The following RBPMS variants were observed in gnomAD, a reference collection of about 807,000 sequenced individuals.
The protein encoded by RBPMS is RNA-binding protein with multiple splicing.
In RBPMS, 7 loss-of-function variants were observed where a neutral mutation model predicts 26.8. That is an observed-to-expected ratio of 0.26 (90% CI 0.15 to 0.49). The LOEUF (loss-of-function observed/expected upper bound fraction) is 0.49. Ranked by LOEUF, RBPMS falls within the 20% of genes least tolerant of loss-of-function variation. RBPMS has a pLI of 0.98. For missense variants in RBPMS, 186 were observed against 250.0 expected (o/e 0.74, Z 1.73); for synonymous variants, 96 against 93.3 (o/e 1.03, Z -0.17).
At chr8:30,549,783 T>TCC (rs1826171336) in intron 6 of RBPMS, among the ~76,000 whole-genome samples, 1 of 109,640 alleles carries the variant, frequency 9.1e-6, no homozygotes, top group Non-Finnish European at 1.9e-5. Context: ...TCTCTCTCTC[T>TCC]CTCTCTCTCT....
chr8:30,542,792 C>G (rs1585824929), intron 5 of RBPMS, among the ~76,000 whole-genome samples: 1 of 152,222 alleles, frequency 6.6e-6, no homozygotes. Context: ...CTCTGGAAAT[C>G]ACATGGTCTC....
chr8:30,526,642 A>T (rs1823623821), intron 5 of RBPMS, among the ~76,000 whole-genome samples: 1 of 152,226 alleles, frequency 6.6e-6, no homozygotes, highest in East Asian at 1.9e-4. Context: ...GATGAATTAC[A>T]TTCCAGTCAA....
chr8:30,390,149 C>A (rs939479851), intron 1 of RBPMS, among the ~76,000 whole-genome samples: 1 of 152,096 alleles, frequency 6.6e-6, no homozygotes, highest in African/African-American at 2.4e-5. Flanking sequence ...TGATGCCTTT[C>A]GGTGTTTAAG....
Position 30,479,336 on chromosome 8 carries a change from G to T in RBPMS, c.205G>T (p.Asp69Tyr). The T allele has an allele frequency of 1.9e-6, 3 of 1,602,570 alleles. No individual in the cohort carries two copies. The highest frequency in any genetic ancestry group is 2.2e-5 in the East Asian group (1 of 44,500). ...TCAGCCTGTAGGTTTTGTCAGTTTT[G>T]ACAGTCGCTCAGAAGCAGAGGCTGC... ...SKQPVGFVSF[D>Y]SRSEAEAAKN... Residue 69 changes from aspartate (D) to tyrosine (Y), a missense_variant, in exon 4 of 9, where the codon GAC becomes TAC. Physicochemically the swap from Asp to Tyr is radical, Grantham distance 160. Coordinates refer to ENST00000397323, the MANE Select transcript of RBPMS (RefSeq NM_001008710.3).
At chr8:30,566,553 T>TA (rs1029320121) in intron 8 of RBPMS, among the ~76,000 whole-genome samples, 193 bp downstream of exon 8, 3 of 152,196 alleles carry the variant, frequency 2.0e-5, no homozygotes, top group African/African-American at 7.2e-5. Flanking sequence ...CAGCAACTGA[T>TA]ACATTTTTAA....
intron 1 of RBPMS, among the ~76,000 whole-genome samples, chr8:30,450,167 G>A (rs1814389158): frequency 6.6e-6 from 1 of 152,172 alleles, no homozygotes; most frequent in South Asian, 2.1e-4. Context: ...ATTATAGATT[G>A]CTACATATAG....
intron 8 of RBPMS, among the ~76,000 whole-genome samples, chr8:30,568,426 C>A (rs895603428): frequency 6.6e-6 from 1 of 152,198 alleles, no homozygotes; most frequent in Non-Finnish European, 1.5e-5. Context: ...CAGCGGGCAT[C>A]CTGACCCCAG....
chr8:30,538,281 G>C (rs1825012547), intron 5 of RBPMS, among the ~76,000 whole-genome samples: 1 of 151,852 alleles, frequency 6.6e-6, no homozygotes, highest in Admixed American at 6.6e-5. Flanking sequence ...TGGAGACAGA[G>C]TCTCGCTCTG....
chr8:30,554,280 G>C (rs1826648555), intron 6 of RBPMS, among the ~76,000 whole-genome samples: 1 of 152,180 alleles, frequency 6.6e-6, no homozygotes. Flanking sequence ...GCACAGCCCA[G>C]CCTCTTAGAT....
At chr8:30,497,642 A>T (rs536006017) in intron 4 of RBPMS, among the ~76,000 whole-genome samples, 57 of 151,808 alleles carry the variant, frequency 3.8e-4, no homozygotes, top group Non-Finnish European at 7.1e-4. Context: ...TTTGAGATGG[A>T]GTCTTGCTCT....
At chr8:30,390,489 A>G (rs1330040390) in intron 1 of RBPMS, among the ~76,000 whole-genome samples, 1 of 152,146 alleles carries the variant, frequency 6.6e-6, no homozygotes, top group Non-Finnish European at 1.5e-5. Flanking sequence ...CACAAAGTCA[A>G]GTGCGCACAT....
intron 7 of RBPMS, among the ~76,000 whole-genome samples, chr8:30,561,324 T>C (rs1457633235): frequency 6.6e-6 from 1 of 152,154 alleles, no homozygotes; most frequent in Non-Finnish European, 1.5e-5. Context: ...ACTTATTTGG[T>C]TGCATAGGAA....
chr8:30,545,018 G>C (rs980025614), intron 6 of RBPMS: 11 of 1,423,338 alleles, frequency 7.7e-6, no homozygotes, highest in Non-Finnish European at 1.0e-5. Context: ...ATGTGCGTCT[G>C]TGCGTGTTTC....
chr8:30,455,261 G>A (rs1815066205), intron 1 of RBPMS, among the ~76,000 whole-genome samples: 1 of 152,104 alleles, frequency 6.6e-6, no homozygotes, highest in Non-Finnish European at 1.5e-5. Context: ...CCCAGTTAGG[G>A]CTTTCTCTAA....
At chr8:30,543,283 G>C (rs1563431236) in intron 5 of RBPMS, among the ~76,000 whole-genome samples, 1 of 152,142 alleles carries the variant, frequency 6.6e-6, no homozygotes, top group Non-Finnish European at 1.5e-5. Context: ...TTTCGCCATA[G>C]AGCAGTCCCA....
At chr8:30,412,435 G>C (rs1809553941) in intron 1 of RBPMS, among the ~76,000 whole-genome samples, 2 of 152,026 alleles carry the variant, frequency 1.3e-5, no homozygotes, top group African/African-American at 4.8e-5. Flanking sequence ...TATTTTAATA[G>C]GAATGACACT....
intron 4 of RBPMS, among the ~76,000 whole-genome samples, chr8:30,501,430 C>T (rs866129459): frequency 6.6e-6 from 1 of 151,742 alleles, no homozygotes; most frequent in African/African-American, 2.4e-5. Context: ...GTATACTGGA[C>T]GAACAAGAAT....
intron 3 of RBPMS, 35 bp downstream of exon 3, chr8:30,477,872 T>G: frequency 6.9e-7 from 1 of 1,444,630 alleles, no homozygotes; most frequent in Non-Finnish European, 9.7e-7. Context: ...AAGATCACTT[T>G]TTTACTTTCC....
intron 5 of RBPMS, among the ~76,000 whole-genome samples, chr8:30,539,498 C>T (rs992601425): frequency 1.3e-5 from 2 of 152,028 alleles, no homozygotes; most frequent in African/African-American, 2.4e-5. Flanking sequence ...TTCTCTCCCA[C>T]CCAGAATTAA....
Sources: allele counts gnomAD v4.1 joint callset (sites outside exome capture counted in the v4.1 genomes callset), GRCh38; gene constraint gnomAD v4.1.1; transcripts MANE v1.5; gene names NCBI Gene and HGNC (gene_info 2026-07-23, HGNC 2026-07-21).